The following ATAD2B variants were observed in gnomAD, a reference collection of about 807,000 sequenced individuals.
The protein encoded by ATAD2B is ATPase family AAA domain-containing protein 2B.
Under a neutral mutation model 167.6 loss-of-function variants are expected in ATAD2B, and 40 were observed. The ratio of observed to expected loss-of-function variants is 0.24; its 90% CI spans 0.19 to 0.31. The LOEUF is 0.31. Among genes scored for constraint, ATAD2B ranks in the 10% least tolerant of loss-of-function variants. The probability of loss-of-function intolerance (pLI) is 1.00; values close to 1 mark genes in which losing one functional copy is unlikely to be tolerated. For missense variants in ATAD2B, 1,242 were observed against 1,757.2 expected, an observed-to-expected ratio of 0.71 and a Z score of 5.24; for synonymous variants, 579 against 596.5, an observed-to-expected ratio of 0.97 and a Z score of 0.43.
chr2:23,813,952 C>T (rs1686025075), intron 17 of ATAD2B, among the ~76,000 whole-genome samples: 1 of 152,022 alleles, frequency 6.6e-6, no homozygotes, highest in South Asian at 2.1e-4. Context: ...AACCAAATGG[C>T]ATAAAGAATT....
chr2:23,806,708 G>A (rs1684450953), intron 18 of ATAD2B, among the ~76,000 whole-genome samples: 1 of 152,178 alleles, frequency 6.6e-6, no homozygotes, highest in African/African-American at 2.4e-5. Context: ...GCTGTAAGCA[G>A]TAGCAGTGGC....
intron 14 of ATAD2B, among the ~76,000 whole-genome samples, chr2:23,830,832 C>T (rs1688936770): frequency 6.6e-6 from 1 of 151,722 alleles, no homozygotes; most frequent in Admixed American, 6.6e-5. Context: ...AGGGTGATTA[C>T]AAGACCCTTA....
At chr2:23,823,012 A>C (rs550007812) in intron 16 of ATAD2B, among the ~76,000 whole-genome samples, 1 of 151,648 alleles carries the variant, frequency 6.6e-6, no homozygotes, top group South Asian at 2.1e-4. Flanking sequence ...TCAACTTTCT[A>C]AAGATAGTAA....
rs370927954 is a variant in ATAD2B at position 23,757,990 on chromosome 2, T to C, written c.3506A>G (p.Tyr1169Cys). Residue 1169 changes from tyrosine to cysteine, a missense_variant, in exon 25 of 28, where the codon TAT becomes TGT. This residue lies in a region of ATAD2B where 282 missense variants were observed against 346.8 expected (regional missense o/e 0.81). Coordinates refer to ENST00000238789, the MANE Select transcript of ATAD2B (RefSeq NM_017552.4). Reference sequence around the variant, plus strand: ...TTTCCTGTCCTCCGTATGGTTCTCATAGTCTGCAAATTTGGTGTCTTCTTC... The same window carrying C: ...TTTCCTGTCCTCCGTATGGTTCTCACAGTCTGCAAATTTGGTGTCTTCTTC... ...KDEEDTKFAD[Y>C]ENHTEDRKLL... is the part of the protein sequence containing the mutation. 7.4e-6 allele frequency: 12 copies of C among 1,613,136 alleles called. No homozygotes were observed. Among genetic ancestry groups the C allele is most frequent in the African/African-American group, 5.3e-5 (4 of 74,894 alleles).
chr2:23,745,368 AGAAGGAAGGAAG>A (rs767435573), downstream of ATAD2B, among the ~76,000 whole-genome samples: 872 of 52,912 alleles, frequency 0.016, 12 homozygotes, highest in East Asian at 0.028. Flanking sequence ...AAGGAAGGAA[AGAAGGAAGGAAG>A]GAAGGAAGGA....
chr2:23,832,950 A>G lies in ATAD2B; in HGVS notation c.1728+969T>C, dbSNP rs145621539. Reference sequence around the variant, plus strand: ...CTATCTACTACAAATAAACACACCAATATGCACTGATACATTCCTGAAGGC... The same window carrying G: ...CTATCTACTACAAATAAACACACCAGTATGCACTGATACATTCCTGAAGGC... On this transcript the variant is annotated intron_variant, in intron 14 of 27. Transcript: ENST00000238789. 2.3e-3 allele frequency among the ~76,000 whole-genome samples: 353 copies of G among 152,318 alleles called. 2 individuals carry two copies. Among genetic ancestry groups the G allele is most frequent in the Non-Finnish European group, 3.9e-3 (263 of 68,022 alleles).
chr2:23,859,902 A>G (rs1487101250), intron 12 of ATAD2B, among the ~76,000 whole-genome samples: 1 of 151,628 alleles, frequency 6.6e-6, no homozygotes, highest in South Asian at 2.1e-4. Context: ...GTGAGCCGAG[A>G]TTGTGCCACT....
Position 23,798,333 on chromosome 2 carries a change from GA to G in ATAD2B, c.2455-11del, listed in dbSNP as rs774515952. The G allele has an allele frequency of 3.2e-6, 5 of 1,561,098 alleles. No homozygotes were observed. Among genetic ancestry groups the G allele is most frequent in the African/African-American group, 1.4e-5 (1 of 72,804 alleles). ...GAGCTTCACGAAAAATCTAATTAAG[GA>G]AAAAAACCAACATTAAACAACTCAA... On this transcript the variant is annotated splice_polypyrimidine_tract_variant and intron_variant, in intron 18 of 27. Transcript: ENST00000238789.
At chr2:23,694,466 G>A in the ATAD2B span, among the ~76,000 whole-genome samples, 5 of 152,058 alleles carry the variant, frequency 3.3e-5, no homozygotes, top group African/African-American at 1.2e-4. Context: ...CCTCCAGCCT[G>A]AGCGGTCTCT....
chr2:23,839,124 C>A (rs1300798745), intron 13 of ATAD2B, among the ~76,000 whole-genome samples: 4 of 152,106 alleles, frequency 2.6e-5, no homozygotes, highest in Middle Eastern at 6.3e-3. Context: ...ATTGGTCTAA[C>A]CTTCTTAGCA....
rs1395815900 is a variant in ATAD2B, at chr2:23,757,865, C to T, written c.3631G>A (p.Asp1211Asn). 1 of 1,591,878 alleles carries T rather than the reference C, an allele frequency of 6.3e-7. No individual in the cohort carries two copies. The highest frequency in any genetic ancestry group is 8.5e-7 in the Non-Finnish European group (1 of 1,173,296). The change falls in exon 25 of 28, where the codon GAC becomes AAC. Residue 1211 changes from aspartate to asparagine, a missense_variant. Around this residue, in one of 9 missense-constraint regions of ATAD2B, gnomAD observed 282 missense variants for 346.8 expected, o/e 0.81. Transcript: ENST00000238789. The part of the protein sequence containing the change: ...LSMTNDESSC[D>N]IMDLDQGQRL... The stretch of plus-strand genomic sequence containing the variant: ...TGCCCCTGGTCCAAGTCCATGATGT[C>T]ACAGGATGATTCATCATTGGTCATA...
At chr2:23,872,041 C>G (rs1343536421) in intron 8 of ATAD2B, among the ~76,000 whole-genome samples, 1 of 152,090 alleles carries the variant, frequency 6.6e-6, no homozygotes, top group Non-Finnish European at 1.5e-5. Flanking sequence ...ACACGCCCAG[C>G]TAATTTTTGT....
At chr2:23,770,794 T>C (rs1202509366) in intron 22 of ATAD2B, among the ~76,000 whole-genome samples, 5 of 152,216 alleles carry the variant, frequency 3.3e-5, no homozygotes, top group Non-Finnish European at 7.3e-5. Context: ...GCTGTTTTTA[T>C]TTTCCAAAGT....
chr2:23,791,778 C>T (rs1681770133), intron 19 of ATAD2B, among the ~76,000 whole-genome samples: 1 of 152,172 alleles, frequency 6.6e-6, no homozygotes, highest in South Asian at 2.1e-4. Context: ...ATCCTTTCAA[C>T]TATCAATGGA....
At chr2:23,919,471 C>G (rs1703576470) in intron 1 of ATAD2B, among the ~76,000 whole-genome samples, 1 of 151,998 alleles carries the variant, frequency 6.6e-6, no homozygotes, top group Admixed American at 6.6e-5. Flanking sequence ...CACTTGAGCC[C>G]AAGAGGCAAA....
chr2:23,768,047 G>A (rs1219919894), intron 22 of ATAD2B, among the ~76,000 whole-genome samples: 3 of 152,110 alleles, frequency 2.0e-5, no homozygotes, highest in Non-Finnish European at 4.4e-5. Flanking sequence ...ATGAATATGT[G>A]TCTCAACAAT....
In ATAD2B at chr2:23,810,468, G is replaced by A. The variant is rs1192640200; in HGVS notation, c.2302C>T (p.Arg768Cys). The change falls in exon 18 of 28, where the codon CGC becomes TGC. Residue 768 changes from arginine to cysteine, a missense_variant. Arg to Cys is a radical substitution (Grantham distance 180, BLOSUM62 -3). Transcript: ENST00000238789. ...CCCCGTTCTCCAGAGAGCAATAAGC[G>A]TGGCCTGTAAGAGGTTGGCTGATGA... ...PYHQPTSYRPRLLLSGERGSG... is the reference protein window; with the variant it reads ...PYHQPTSYRPCLLLSGERGSG... 6.2e-7 allele frequency: 1 copy of A among 1,613,836 alleles called. No homozygotes were observed. Among genetic ancestry groups the A allele is most frequent in the Admixed American group, 1.7e-5 (1 of 60,016 alleles).
chr2:23,777,682 A>G (rs1679374016), intron 22 of ATAD2B, among the ~76,000 whole-genome samples: 1 of 152,294 alleles, frequency 6.6e-6, no homozygotes, highest in Non-Finnish European at 1.5e-5. Context: ...AACTAGTCAA[A>G]TGATGGTATA....
rs1232451929 is a variant in ATAD2B, at chr2:23,853,249, G to T, written c.1568+4166C>A. ...ATTCTAGCCAAAGAAATAAGAAAAA[G>T]AAATAAAAGACATAGATTGGAAAGG... On this transcript the variant is annotated intron_variant, in intron 13 of 27. Transcript: ENST00000238789. 5.3e-5 allele frequency among the ~76,000 whole-genome samples: 8 copies of T among 152,164 alleles called. No homozygotes were observed. The South Asian group carries it at 1.7e-3, about 32-fold the overall frequency.
Sources: allele counts gnomAD v4.1 joint callset (sites outside exome capture counted in the v4.1 genomes callset), GRCh38; gene constraint gnomAD v4.1.1; regional missense constraint gnomAD v4.1.1; transcripts MANE v1.5; gene names NCBI Gene and HGNC (gene_info 2026-07-23, HGNC 2026-07-21).